Variants in ACTR3C observed in about 807,000 individuals in gnomAD.
ACTR3C encodes the protein actin-related protein 3C.
A neutral mutation model predicts 26.3 loss-of-function variants in ACTR3C; 18 were observed. The observed-to-expected ratio is 0.68, with a 90% CI of 0.47 to 1.01. ACTR3C has a LOEUF of 1.01. ACTR3C is among the 50% of genes least tolerant of loss of function. The probability of loss-of-function intolerance (pLI) is 0.00; values close to 1 mark genes in which losing one functional copy is unlikely to be tolerated. For missense variants in ACTR3C, 184 were observed against 250.7 expected, an observed-to-expected ratio of 0.73 and a Z score of 1.80; for synonymous variants, 55 against 94.5, an observed-to-expected ratio of 0.58 and a Z score of 2.42.
the ACTR3C span, among the ~76,000 whole-genome samples, chr7:150,055,846 G>A: frequency 2.6e-5 from 4 of 151,970 alleles, no homozygotes; most frequent in African/African-American, 7.3e-5. Context: ...AAAATCTTCC[G>A]TGCCTCTAGT....
At chr7:150,069,081 AC>A in the ACTR3C span, among the ~76,000 whole-genome samples, 1 of 152,180 alleles carries the variant, frequency 6.6e-6, no homozygotes, top group Non-Finnish European at 1.5e-5. Context: ...TATGCCTAAA[AC>A]CTACTATGAC....
At chr7:150,037,384 C>G in the ACTR3C span, among the ~76,000 whole-genome samples, 12 of 57,952 alleles carry the variant, frequency 2.1e-4, no homozygotes, top group Admixed American at 5.4e-4. Flanking sequence ...GGGTGCCTCC[C>G]CCCTCTGCGA....
At chr7:150,094,376 AT>A in the ACTR3C span, among the ~76,000 whole-genome samples, 1 of 149,642 alleles carries the variant, frequency 6.7e-6, no homozygotes, top group Non-Finnish European at 1.5e-5. Flanking sequence ...CCTAGACATA[AT>A]AAAAACCTTG....
the ACTR3C span, among the ~76,000 whole-genome samples, chr7:150,167,018 GTATATA>G: frequency 3.9e-4 from 57 of 147,296 alleles, 3 homozygotes; most frequent in African/African-American, 1.3e-3. Context: ...ATTCCACTGT[GTATATA>G]TATATATATA....
At chr7:150,048,828 G>T in the ACTR3C span, among the ~76,000 whole-genome samples, 1 of 152,120 alleles carries the variant, frequency 6.6e-6, no homozygotes, top group Non-Finnish European at 1.5e-5. Context: ...CCACAGCCCA[G>T]CTCCCTCCGA....
At chr7:150,099,804 C>T in the ACTR3C span, among the ~76,000 whole-genome samples, 1 of 151,542 alleles carries the variant, frequency 6.6e-6, no homozygotes, top group Admixed American at 6.6e-5. Flanking sequence ...AGCAATGTGA[C>T]TTAAAGCCTG....
the ACTR3C span, among the ~76,000 whole-genome samples, chr7:150,136,133 T>C: frequency 6.6e-6 from 1 of 152,096 alleles, no homozygotes; most frequent in Non-Finnish European, 1.5e-5. Flanking sequence ...GGGTGCAGAT[T>C]TGGGGTTTGG....
At chr7:150,039,367 C>G in the ACTR3C span, among the ~76,000 whole-genome samples, 4 of 98,890 alleles carry the variant, frequency 4.0e-5, no homozygotes, top group African/African-American at 1.2e-4. Context: ...GCCTCCCCCT[C>G]CTGCGATGGG....
chr7:149,939,053 T>C, the ACTR3C span, among the ~76,000 whole-genome samples: 1 of 151,638 alleles, frequency 6.6e-6, no homozygotes, highest in African/African-American at 2.4e-5. Context: ...CGATCTCAGC[T>C]CACCGCAACC....
chr7:150,043,708 C>T, the ACTR3C span, among the ~76,000 whole-genome samples: 1 of 152,122 alleles, frequency 6.6e-6, no homozygotes, highest in Admixed American at 6.5e-5. Flanking sequence ...GTAATGGGAT[C>T]AAGTAGACAG....
At chr7:150,096,020 A>G in the ACTR3C span, among the ~76,000 whole-genome samples, 1 of 148,116 alleles carries the variant, frequency 6.8e-6, no homozygotes, top group African/African-American at 2.6e-5. Flanking sequence ...AACCGTGCAC[A>G]GTGACATTCT....
At chr7:150,041,919 A>G in the ACTR3C span, among the ~76,000 whole-genome samples, 231 of 139,988 alleles carry the variant, frequency 1.7e-3, no homozygotes, top group African/African-American at 5.6e-3. Context: ...CCAGGGGGGG[A>G]AGAGGGTCTG....
the ACTR3C span, among the ~76,000 whole-genome samples, chr7:150,084,834 G>A: frequency 1.3e-5 from 2 of 152,146 alleles, no homozygotes; most frequent in African/African-American, 2.4e-5. Flanking sequence ...TGTGGGAGGG[G>A]GAGTGGAAGC....
At chr7:149,995,188 C>G in the ACTR3C span, among the ~76,000 whole-genome samples, 1 of 152,326 alleles carries the variant, frequency 6.6e-6, no homozygotes, top group South Asian at 2.1e-4. Flanking sequence ...ATGCAATGTC[C>G]TAGTTACAGA....
the ACTR3C span, among the ~76,000 whole-genome samples, chr7:150,138,947 G>A: frequency 6.6e-6 from 1 of 152,304 alleles, no homozygotes; most frequent in African/African-American, 2.4e-5. Flanking sequence ...CTGATGATCT[G>A]TCACTGTCTC....
At chr7:150,155,114 G>C in the ACTR3C span, among the ~76,000 whole-genome samples, 2 of 152,276 alleles carry the variant, frequency 1.3e-5, no homozygotes, top group East Asian at 1.9e-4. Flanking sequence ...GCTCTTTTAT[G>C]AGCACTTTTC....
chr7:150,057,125 T>C, the ACTR3C span, among the ~76,000 whole-genome samples: 1 of 152,154 alleles, frequency 6.6e-6, no homozygotes, highest in Non-Finnish European at 1.5e-5. Context: ...TAACATAGAA[T>C]TATCCAATCC....
the ACTR3C span, among the ~76,000 whole-genome samples, chr7:149,982,533 C>A: frequency 2.0e-5 from 3 of 151,954 alleles, no homozygotes; most frequent in African/African-American, 4.8e-5. Flanking sequence ...ATAACAAAAC[C>A]AAGAGTCAGA....
the ACTR3C span, among the ~76,000 whole-genome samples, chr7:150,038,087 TC>T: frequency 2.3e-5 from 3 of 133,134 alleles, no homozygotes; most frequent in Non-Finnish European, 4.9e-5. Context: ...GGGGGGTGCC[TC>T]CCCCCCTGTG....
Sources: gnomAD v4.1 joint callset for allele counts (sites outside exome capture counted in the v4.1 genomes callset) on GRCh38, gnomAD v4.1.1 for gene constraint, MANE v1.5 for transcripts, NCBI Gene and HGNC (gene_info 2026-07-23, HGNC 2026-07-21) for gene names.